Variants in SPAG16 observed in about 807,000 individuals in gnomAD.
SPAG16 encodes sperm-associated antigen 16 protein.
SPAG16 carries 86 observed loss-of-function variants against 80.4 expected under a neutral mutation model. The ratio of observed to expected loss-of-function variants is 1.07; its 90% CI spans 0.90 to 1.28. The LOEUF is 1.28. Ranked by LOEUF, SPAG16 falls within the 50% of genes most tolerant of loss-of-function variation. The pLI is 0.00. For synonymous variants in SPAG16, 294 were observed against 265.9 expected (o/e 1.11, Z -1.03); for missense variants, 870 against 765.3 (o/e 1.14, Z -1.61).
chr2:214,265,933 T>C (rs1344031987), intron 15 of SPAG16, among the ~76,000 whole-genome samples: 3 of 151,952 alleles, frequency 2.0e-5, no homozygotes, highest in African/African-American at 7.2e-5. Context: ...ATTGCCATTA[T>C]CTAAAATTAT....
chr2:213,652,438 T>C lies in SPAG16; in HGVS notation c.1070+162348T>C, dbSNP rs976708368. 3.9e-5 allele frequency among the ~76,000 whole-genome samples: 6 copies of C among 152,306 alleles called. 1 individual carries two copies. Among genetic ancestry groups the C allele is most frequent in the South Asian group, 4.1e-4 (2 of 4,828 alleles). ...ATCATGTATAATTTTTTGAACATGC[T>C]TTAATACACACACATACACATACAT... is the stretch of plus-strand genomic sequence containing the variant. On this transcript the variant is annotated intron_variant, in intron 10 of 15. Coordinates refer to ENST00000331683, the MANE Select transcript of SPAG16 (RefSeq NM_024532.5).
chr2:213,846,672 A>C (rs2074643886), intron 10 of SPAG16, among the ~76,000 whole-genome samples: 1 of 152,146 alleles, frequency 6.6e-6, no homozygotes, highest in Non-Finnish European at 1.5e-5. Flanking sequence ...AGAAGCTATA[A>C]TTTCATATTC....
chr2:213,782,260 A>G (rs2070037794), intron 10 of SPAG16, among the ~76,000 whole-genome samples: 1 of 152,016 alleles, frequency 6.6e-6, no homozygotes, highest in Admixed American at 6.6e-5. Flanking sequence ...ACTGTTTTTT[A>G]GTGTTCTTCC....
intron 10 of SPAG16, among the ~76,000 whole-genome samples, chr2:213,695,814 G>C (rs1005949931): frequency 6.6e-6 from 1 of 152,158 alleles, no homozygotes; most frequent in Admixed American, 6.5e-5. Context: ...GGGTAATAGT[G>C]GGAGATGAGA....
At position 213,475,812 on chromosome 2, in the gene SPAG16, A is replaced by G. The variant is rs2073342476; in HGVS notation, c.943-14151A>G. Among the ~76,000 whole-genome samples the G allele has an allele frequency of 2.0e-5, 3 of 152,240 alleles. No individual in the cohort carries two copies. The South Asian group carries it at 6.2e-4, about 32-fold the overall frequency. On this transcript the variant is annotated intron_variant, in intron 9 of 15. Transcript: ENST00000331683. ...AATAGATCCTTCTCAAACAAAGGAA[A>G]GAAAAGGAACCCTGAGAACTGGGGA...
intron 15 of SPAG16, among the ~76,000 whole-genome samples, chr2:214,347,616 C>T (rs930866214): frequency 6.6e-6 from 1 of 152,122 alleles, no homozygotes; most frequent in African/African-American, 2.4e-5. Context: ...CTCTGCTAGA[C>T]CATAGTGCTT....
At chr2:213,729,933 A>G (rs566459296) in intron 10 of SPAG16, among the ~76,000 whole-genome samples, 1 of 152,346 alleles carries the variant, frequency 6.6e-6, no homozygotes, top group Non-Finnish European at 1.5e-5. Context: ...CTGGACTGAG[A>G]GGATGCTCCT....
intron 10 of SPAG16, among the ~76,000 whole-genome samples, chr2:213,637,345 T>C (rs2062404113): frequency 1.3e-5 from 2 of 152,206 alleles, no homozygotes; most frequent in Admixed American, 1.3e-4. Flanking sequence ...AGCTAGTTAG[T>C]ATTTTGTCGA....
At chr2:214,074,794 T>C (rs1384466656) in intron 13 of SPAG16, among the ~76,000 whole-genome samples, 7 of 152,190 alleles carry the variant, frequency 4.6e-5, no homozygotes, top group Non-Finnish European at 7.4e-5. Flanking sequence ...GCATTAAACA[T>C]CATTAGTCAT....
chr2:213,466,780 A>C (rs1198303172), intron 9 of SPAG16, among the ~76,000 whole-genome samples: 1 of 152,162 alleles, frequency 6.6e-6, no homozygotes, highest in East Asian at 1.9e-4. Context: ...GTAAAATTTT[A>C]ACCTGAGGAT....
intron 10 of SPAG16, among the ~76,000 whole-genome samples, chr2:213,851,239 C>T (rs955643734): frequency 2.0e-4 from 30 of 152,232 alleles, no homozygotes; most frequent in Non-Finnish European, 4.4e-5. Context: ...TATGGGCCAG[C>T]GTGGTGGCTC....
intron 15 of SPAG16, among the ~76,000 whole-genome samples, chr2:214,320,672 C>A (rs1342938926): frequency 4.6e-5 from 7 of 152,108 alleles, no homozygotes; most frequent in African/African-American, 1.7e-4. Flanking sequence ...GGGGGCAGGG[C>A]GCCTTATAAA....
chr2:213,678,828 T>C (rs1372559079), intron 10 of SPAG16, among the ~76,000 whole-genome samples: 1 of 152,150 alleles, frequency 6.6e-6, no homozygotes, highest in Non-Finnish European at 1.5e-5. Flanking sequence ...AGAGACTTGC[T>C]GTTTGGAACA....
intron 10 of SPAG16, among the ~76,000 whole-genome samples, chr2:213,683,654 T>C (rs2064508836): frequency 6.6e-6 from 1 of 152,212 alleles, no homozygotes; most frequent in African/African-American, 2.4e-5. Context: ...TGTTCTTATA[T>C]ATTTTTTTTC....
rs5838411 is a variant in SPAG16, at chr2:214,131,375, T to TA, written c.1594-17749dup. On this transcript the variant is annotated intron_variant, in intron 14 of 15. Transcript: ENST00000331683. The stretch of plus-strand genomic sequence containing the variant: ...ACAGAGCAAGACCCTAACTCAAAAT[T>TA]AAAAAAAAAAAAAAAATCAAACTCT... Among the ~76,000 whole-genome samples the TA allele has an allele frequency of 2.5e-3, 343 of 136,010 alleles. 5 individuals carry two copies. Among genetic ancestry groups the TA allele is most frequent in the South Asian group, 0.014 (57 of 4,198 alleles). 89.2% of individuals were successfully genotyped at this position (136,010 alleles called of 152,430 possible).
chr2:213,766,911 A>G (rs1313720505), intron 10 of SPAG16, among the ~76,000 whole-genome samples: 1 of 152,176 alleles, frequency 6.6e-6, no homozygotes, highest in Non-Finnish European at 1.5e-5. Context: ...TGGGTTGGAG[A>G]GGGTAGCTTT....
At chr2:214,116,962 C>T (rs1426472809) in intron 14 of SPAG16, among the ~76,000 whole-genome samples, 1 of 152,124 alleles carries the variant, frequency 6.6e-6, no homozygotes, top group African/African-American at 2.4e-5. Context: ...CACATGTCCA[C>T]TATTATCAGT....
chr2:213,764,090 A>G (rs1349663933), intron 10 of SPAG16, among the ~76,000 whole-genome samples: 3 of 152,244 alleles, frequency 2.0e-5, no homozygotes, highest in African/African-American at 7.2e-5. Flanking sequence ...TAAGTGTTAC[A>G]CAAATATTAG....
At chr2:214,145,160 C>T (rs2055575394) in intron 14 of SPAG16, among the ~76,000 whole-genome samples, 1 of 151,800 alleles carries the variant, frequency 6.6e-6, no homozygotes, top group East Asian at 1.9e-4. Flanking sequence ...TTCCAGTTTT[C>T]TCCTTTTCTT....
Sources: allele counts gnomAD v4.1 joint callset (sites outside exome capture counted in the v4.1 genomes callset), GRCh38; gene constraint gnomAD v4.1.1; transcripts MANE v1.5; gene names NCBI Gene and HGNC (gene_info 2026-07-23, HGNC 2026-07-21).